RPL4: variants seen among roughly 807,000 people sequenced by gnomAD.
RPL4 encodes large ribosomal subunit protein uL4.
Under a neutral mutation model 47.7 loss-of-function variants are expected in RPL4, and 3 were observed. That is an observed-to-expected ratio of 0.06 (90% CI 0.03 to 0.16). The LOEUF (loss-of-function observed/expected upper bound fraction) is 0.16. Ranked by LOEUF, RPL4 falls within the 10% of genes least tolerant of loss-of-function variation. The pLI is 1.00. For synonymous variants in RPL4, 208 were observed against 182.1 expected (o/e 1.14, Z -1.15); for missense variants, 413 against 551.3 (o/e 0.75, Z 2.51).
chr15:66,500,278 T>C lies in RPL4; in HGVS notation c.917+15A>G. ...TAGGGTTGGGGCGAGAATTACACTCTAAGTATCACTTTACCGTGGTGCTCG... is the reference window on the plus strand; with the variant it reads ...TAGGGTTGGGGCGAGAATTACACTCCAAGTATCACTTTACCGTGGTGCTCG... On this transcript the variant is annotated intron_variant, in intron 8 of 9. Coordinates refer to ENST00000307961, the MANE Select transcript of RPL4 (RefSeq NM_000968.4). 2 of 1,614,006 alleles carry C rather than the reference T, an allele frequency of 1.2e-6. No homozygotes were observed. The highest frequency in any genetic ancestry group is 1.7e-6 in the Non-Finnish European group (2 of 1,179,852).
At chr15:66,504,160 T>C (rs1027339227) in intron 1 of RPL4, among the ~76,000 whole-genome samples, 13 of 152,226 alleles carry the variant, frequency 8.5e-5, no homozygotes, top group African/African-American at 2.9e-4. Context: ...TTCAGGCCAC[T>C]TTAAGCTTTC....
intron 4 of RPL4, 61 bp from the exon 5 acceptor site, chr15:66,501,973 TCAAA>T: frequency 6.6e-7 from 1 of 1,508,328 alleles, no homozygotes; most frequent in Non-Finnish European, 9.0e-7. Flanking sequence ...AAAAAAAAAA[TCAAA>T]CATTTTATAC....
intron 1 of RPL4, 35 bp downstream of exon 1, chr15:66,504,753 A>G: frequency 6.2e-7 from 1 of 1,610,630 alleles, no homozygotes; most frequent in South Asian, 1.1e-5. Context: ...GCCCCGAGAT[A>G]CGGGGTAAGG....
chr15:66,501,320 AGCT>A, intron 6 of RPL4, 52 bp downstream of exon 6: 1 of 1,611,918 alleles, frequency 6.2e-7, no homozygotes, highest in Non-Finnish European at 8.5e-7. Flanking sequence ...TCATAACAAA[AGCT>A]GAGTAGACTT....
chr15:66,502,049 T>C (rs1372019236), intron 4 of RPL4, 137 bp from the exon 5 acceptor site: 5 of 1,155,518 alleles, frequency 4.3e-6, no homozygotes, highest in Admixed American at 1.7e-5. Context: ...ATATCATGTG[T>C]TTCAGAAACA....
At chr15:66,502,953 CAAAA>C (rs759103415) in intron 3 of RPL4, 101 bp downstream of exon 3, 2 of 1,337,504 alleles carry the variant, frequency 1.5e-6, no homozygotes, top group East Asian at 2.3e-5. Flanking sequence ...CTCTTCAAGA[CAAAA>C]AAAAGTAATA....
Position 66,500,287 on chromosome 15 carries a change from C to T in RPL4, c.917+6G>A. ...GGCGAGAATTACACTCTAAGTATCA[C>T]TTTACCGTGGTGCTCGAAGGGCTCT... On this transcript the variant is annotated splice_donor_region_variant and intron_variant, in intron 8 of 9. Transcript: ENST00000307961. 1.2e-6 allele frequency: 2 copies of T among 1,614,106 alleles called. No homozygotes were observed. Among genetic ancestry groups the T allele is most frequent in the Non-Finnish European group, 1.7e-6 (2 of 1,179,968 alleles).
At position 66,498,641 on chromosome 15, in the gene RPL4, G is replaced by A. The variant is rs1181299407; in HGVS notation, c.*766C>T. 6.6e-6 allele frequency: 1 copy of A among 152,206 alleles called. No individual in the cohort carries two copies. The highest frequency in any genetic ancestry group is 6.5e-5 in the Admixed American group (1 of 15,282). The allele number at this position is 152,206 out of a possible 1,614,324, so 9.4% of individuals were successfully genotyped here. ...TCAGAGAGTCTTGCTCTGACGCCCA[G>A]GCTGGAGGGCAATGGTACAATCTTG... On this transcript the variant is annotated 3_prime_UTR_variant, in exon 10 of 10. Transcript: ENST00000307961.
Position 66,500,012 on chromosome 15 carries a change from G to C in RPL4, c.1038+44C>G, listed in dbSNP as rs752090351. The C allele has an allele frequency of 8.1e-6, 13 of 1,609,314 alleles. No homozygotes were observed. The South Asian group carries it at 1.4e-4, about 18-fold the overall frequency. Reference sequence around the variant, plus strand: ...CACTCCAGCCTGGGTGACAGAGCGAGATTCCGACTCAAAAACAAACAAACA... The same window carrying C: ...CACTCCAGCCTGGGTGACAGAGCGACATTCCGACTCAAAAACAAACAAACA... On this transcript the variant is annotated intron_variant, in intron 9 of 9. Coordinates refer to ENST00000307961, the MANE Select transcript of RPL4 (RefSeq NM_000968.4).
Position 66,504,839 on chromosome 15 carries a change from AG to A in RPL4, c.-50del. The stretch of plus-strand genomic sequence containing the variant: ...CTCCTCTCAGCCCGGCTGCTGCCAC[AG>A]GAAAAGGAAGTGCTTACCACTCCCG... On this transcript the variant is annotated 5_prime_UTR_variant, in exon 1 of 10. Transcript: ENST00000307961. The A allele has an allele frequency of 2.5e-6, 4 of 1,606,470 alleles. No individual in the cohort carries two copies. The highest frequency in any genetic ancestry group is 3.4e-6 in the Non-Finnish European group (4 of 1,176,838).
At chr15:66,501,960 GAAA>G in intron 4 of RPL4, 48 bp from the exon 5 acceptor site, 6 of 1,201,078 alleles carry the variant, frequency 5.0e-6, no homozygotes, top group Non-Finnish European at 5.7e-6. Flanking sequence ...AACTTTTGGA[GAAA>G]AAAAAAAAAT....
Position 66,500,361 on chromosome 15 carries a change from C to G in RPL4, c.849G>C (p.Lys283Asn). 6.2e-7 allele frequency: 1 copy of G among 1,614,082 alleles called. No individual in the cohort carries two copies. The highest frequency in any genetic ancestry group is 8.5e-7 in the Non-Finnish European group (1 of 1,179,966). Reference sequence around the variant, plus strand: ...TTCTGCTAAGATCTGTATTAATCATCTTGTGCATGGGAAGACTGAAAGGGA... The same window carrying G: ...TTCTGCTAAGATCTGTATTAATCATGTTGTGCATGGGAAGACTGAAAGGGA... ...LKSNYNLPMH[K>N]MINTDLSRIL... The change falls in exon 8 of 10, where the codon AAG becomes AAC. Residue 283 changes from lysine (K) to asparagine (N), a missense_variant. Transcript: ENST00000307961.
intron 1 of RPL4, 152 bp from the exon 2 acceptor site, chr15:66,503,681 A>G (rs1486629905): frequency 5.9e-6 from 4 of 676,786 alleles, no homozygotes; most frequent in Non-Finnish European, 9.8e-6. Context: ...GTAAATGACT[A>G]GAACCCTTAG....
intron 1 of RPL4, 55 bp downstream of exon 1, chr15:66,504,729 ATCCT>A: frequency 4.4e-6 from 7 of 1,603,040 alleles, no homozygotes; most frequent in African/African-American, 1.3e-5. Flanking sequence ...CGAACCCCAA[ATCCT>A]TCCTTACTGG....
chr15:66,499,970 C>G, intron 9 of RPL4, 86 bp downstream of exon 9: 1 of 1,523,810 alleles, frequency 6.6e-7, no homozygotes, highest in Non-Finnish European at 8.9e-7. Flanking sequence ...TTGCAGTGAG[C>G]TGAGATCACG....
chr15:66,503,194 C>T (rs1471873545), intron 2 of RPL4, 30 bp from the exon 3 acceptor site: 3 of 1,608,026 alleles, frequency 1.9e-6, no homozygotes, highest in Admixed American at 1.7e-5. Flanking sequence ...AAAGTTGTAG[C>T]TGCTTCATCA....
intron 9 of RPL4, 199 bp from the exon 10 acceptor site, chr15:66,499,851 C>T (rs150139174): frequency 1.0e-5 from 9 of 898,502 alleles, no homozygotes; most frequent in South Asian, 8.8e-5. Context: ...AGTGACACCC[C>T]GTCTCTACTG....
At chr15:66,502,913 CA>C in intron 3 of RPL4, 144 bp downstream of exon 3, 1 of 1,294,496 alleles carries the variant, frequency 7.7e-7, no homozygotes, top group Non-Finnish European at 1.1e-6. Context: ...TCATTGCAAG[CA>C]AAATAACCCC....
At position 66,498,419 on chromosome 15, in the gene RPL4, A is replaced by G. The variant is rs1893521902; in HGVS notation, c.*988T>C. The G allele has an allele frequency of 6.6e-6, 1 of 152,262 alleles. No individual in the cohort carries two copies. The highest frequency in any genetic ancestry group is 1.9e-4 in the East Asian group (1 of 5,204). The allele number at this position is 152,262 out of a possible 1,614,324, so 9.4% of individuals were successfully genotyped here. ...ACTGTCAGAGAGAAGCTGACAGTTT[A>G]ACAATCCAGATGCAAAACAAGACTT... On this transcript the variant is annotated 3_prime_UTR_variant, in exon 10 of 10. Transcript: ENST00000307961.
Sources: allele counts gnomAD v4.1 joint callset (sites outside exome capture counted in the v4.1 genomes callset), GRCh38; gene constraint gnomAD v4.1.1; transcripts MANE v1.5; gene names NCBI Gene and HGNC (gene_info 2026-07-23, HGNC 2026-07-21).